DCUN1D3: variants seen among roughly 807,000 people sequenced by gnomAD.
DCUN1D3 encodes defective in cullin neddylation 1 domain containing 3, also known as DCN1-like protein 3.
A neutral mutation model predicts 24.8 loss-of-function variants in DCUN1D3; 6 were observed. That is an observed-to-expected ratio of 0.24 (90% CI 0.13 to 0.48). DCUN1D3 has a LOEUF of 0.48. Ranked by LOEUF, DCUN1D3 falls within the 20% of genes least tolerant of loss-of-function variation. The probability of loss-of-function intolerance (pLI) is 0.99; values close to 1 mark genes in which losing one functional copy is unlikely to be tolerated. For missense variants in DCUN1D3, 258 were observed against 379.4 expected, an observed-to-expected ratio of 0.68 and a Z score of 2.66; for synonymous variants, 120 against 144.9, an observed-to-expected ratio of 0.83 and a Z score of 1.24.
chr16:20,869,701 T>C (rs545946848), intron 1 of DCUN1D3, among the ~76,000 whole-genome samples: 5 of 152,308 alleles, frequency 3.3e-5, no homozygotes, highest in East Asian at 1.9e-4. Flanking sequence ...TAATTACATA[T>C]ATTTATTGGC....
intron 1 of DCUN1D3, among the ~76,000 whole-genome samples, chr16:20,877,991 A>G (rs2081824524): frequency 6.6e-6 from 1 of 152,188 alleles, no homozygotes; most frequent in Admixed American, 6.5e-5. Flanking sequence ...TTGTACAGAC[A>G]GGGTCTTGCT....
chr16:20,883,953 T>C (rs920437797), intron 1 of DCUN1D3, among the ~76,000 whole-genome samples: 6 of 152,222 alleles, frequency 3.9e-5, no homozygotes, highest in Non-Finnish European at 5.9e-5. Flanking sequence ...GCCATGAATA[T>C]TCAAGTTTCT....
chr16:20,898,708 A>AAGGACAGGACTT (rs2081933255), intron 1 of DCUN1D3, among the ~76,000 whole-genome samples: 1 of 152,334 alleles, frequency 6.6e-6, no homozygotes, highest in Non-Finnish European at 1.5e-5. Context: ...TCAGTTACAG[A>AAGGACAGGACTT]AGGACAGGAC....
chr16:20,871,967 C>T (rs773184683), intron 1 of DCUN1D3, among the ~76,000 whole-genome samples: 6 of 152,196 alleles, frequency 3.9e-5, no homozygotes, highest in Non-Finnish European at 8.8e-5. Context: ...CTAATAAAAA[C>T]GGCATGCCTG....
intron 1 of DCUN1D3, 46 bp from the exon 2 acceptor site, chr16:20,862,689 G>C: frequency 6.8e-7 from 1 of 1,481,380 alleles, no homozygotes; most frequent in Non-Finnish European, 8.9e-7. Flanking sequence ...GGGGAAATGG[G>C]GTATGGACCC....
intron 1 of DCUN1D3, among the ~76,000 whole-genome samples, chr16:20,892,466 G>A (rs2081896568): frequency 6.6e-6 from 1 of 152,138 alleles, no homozygotes; most frequent in Non-Finnish European, 1.5e-5. Context: ...TGTTTAAAGA[G>A]CACTTACTAG....
At chr16:20,897,641 G>C (rs1163902142) in intron 1 of DCUN1D3, among the ~76,000 whole-genome samples, 3 of 152,166 alleles carry the variant, frequency 2.0e-5, no homozygotes, top group Non-Finnish European at 2.9e-5. Context: ...AATTCATACA[G>C]AGCTGGAAAC....
At chr16:20,870,521 A>G (rs929598263) in intron 1 of DCUN1D3, among the ~76,000 whole-genome samples, 1 of 152,168 alleles carries the variant, frequency 6.6e-6, no homozygotes, top group African/African-American at 2.4e-5. Flanking sequence ...CATGTTGGCT[A>G]CTACTAATGG....
intron 1 of DCUN1D3, among the ~76,000 whole-genome samples, chr16:20,889,857 C>T (rs1354092185): frequency 2.6e-5 from 4 of 152,118 alleles, no homozygotes; most frequent in African/African-American, 9.7e-5. Flanking sequence ...AAAGACCAAG[C>T]ACATGATTAG....
intron 1 of DCUN1D3, among the ~76,000 whole-genome samples, chr16:20,880,604 CAAAAAAAAAAA>C (rs34275241): frequency 1.9e-5 from 1 of 51,924 alleles, no homozygotes; most frequent in Non-Finnish European, 3.1e-5. Context: ...GACCCTGTCT[CAAAAAAAAAAA>C]AAAAAAAAAA....
intron 1 of DCUN1D3, among the ~76,000 whole-genome samples, chr16:20,886,363 T>G (rs993693292): frequency 3.3e-5 from 5 of 152,126 alleles, no homozygotes; most frequent in South Asian, 4.1e-4. Context: ...ATCTTTACCA[T>G]CCCATCTACT....
At chr16:20,898,816 G>GAAT (rs2081934686) in intron 1 of DCUN1D3, among the ~76,000 whole-genome samples, 1 of 152,214 alleles carries the variant, frequency 6.6e-6, no homozygotes, top group African/African-American at 2.4e-5. Context: ...GATTTCCGAA[G>GAAT]AATGTATCAA....
intron 1 of DCUN1D3, among the ~76,000 whole-genome samples, chr16:20,877,907 C>T (rs1380667796): frequency 6.6e-6 from 1 of 152,188 alleles, no homozygotes; most frequent in Non-Finnish European, 1.5e-5. Context: ...ACGATCCTCC[C>T]ACCTTAGCCT....
intron 1 of DCUN1D3, among the ~76,000 whole-genome samples, chr16:20,898,380 C>T (rs1420302148): frequency 3.3e-5 from 5 of 152,182 alleles, no homozygotes; most frequent in Admixed American, 6.5e-5. Flanking sequence ...GCTCCCACTC[C>T]GATGTAAGCT....
chr16:20,892,201 A>G (rs755226337), intron 1 of DCUN1D3, among the ~76,000 whole-genome samples: 1 of 152,208 alleles, frequency 6.6e-6, no homozygotes, highest in Admixed American at 6.5e-5. Flanking sequence ...ACAACTGACT[A>G]TTTCAAAGAA....
Position 20,858,060 on chromosome 16 carries a change from C to T in DCUN1D3, c.*1826G>A, listed in dbSNP as rs1011629824. 9.8e-5 allele frequency: 15 copies of T among 152,746 alleles called. No individual in the cohort carries two copies. Among genetic ancestry groups the T allele is most frequent in the African/African-American group, 3.4e-4 (14 of 41,554 alleles). The allele number at this position is 152,746 out of a possible 1,614,324, so 9.5% of individuals were successfully genotyped here. A position where few individuals can be genotyped will look rare whatever the true frequency, so the allele number is the denominator to read the frequency against. On this transcript the variant is annotated 3_prime_UTR_variant, in exon 3 of 3. Transcript: ENST00000324344. ...TGTTTAACAGACAAAGTCTCATTAC[C>T]TCAAGAGTATAAATATTTTTATACG...
chr16:20,883,722 T>C (rs2081855944), intron 1 of DCUN1D3, among the ~76,000 whole-genome samples: 1 of 152,150 alleles, frequency 6.6e-6, no homozygotes, highest in South Asian at 2.1e-4. Flanking sequence ...AAAACAGGTT[T>C]CCTTCCAAAT....
chr16:20,894,935 G>A (rs2152519326), intron 1 of DCUN1D3, among the ~76,000 whole-genome samples: 1 of 152,060 alleles, frequency 6.6e-6, no homozygotes, highest in South Asian at 2.1e-4. Context: ...CATTTTCAGT[G>A]CAATTGGCCA....
At chr16:20,862,759 G>A in intron 1 of DCUN1D3, 116 bp from the exon 2 acceptor site, 1 of 1,012,492 alleles carries the variant, frequency 9.9e-7, no homozygotes, top group Non-Finnish European at 1.4e-6. Flanking sequence ...AACGAACCAT[G>A]GGAGAGACCC....
Sources: gnomAD v4.1 joint callset for allele counts (sites outside exome capture counted in the v4.1 genomes callset) on GRCh38, gnomAD v4.1.1 for gene constraint, MANE v1.5 for transcripts, NCBI Gene and HGNC (gene_info 2026-07-23, HGNC 2026-07-21) for gene names.